CACNB2: variants seen among roughly 807,000 people sequenced by gnomAD.
CACNB2 encodes voltage-dependent L-type calcium channel subunit beta-2.
A neutral mutation model predicts 73.3 loss-of-function variants in CACNB2; 42 were observed. That is an observed-to-expected ratio of 0.57 (90% CI 0.45 to 0.74). CACNB2 has a LOEUF of 0.74. CACNB2 is among the 30% of genes least tolerant of loss of function. The probability of loss-of-function intolerance (pLI) is 0.00; values close to 1 mark genes in which losing one functional copy is unlikely to be tolerated. For missense variants in CACNB2, 940 were observed against 853.0 expected (o/e 1.10, Z -1.27); for synonymous variants, 348 against 310.3 (o/e 1.12, Z -1.28).
At chr10:18,326,864 C>A (rs191878296) in intron 2 of CACNB2, among the ~76,000 whole-genome samples, 1 of 152,174 alleles carries the variant, frequency 6.6e-6, no homozygotes, top group Non-Finnish European at 1.5e-5. Context: ...GTAGCTGGGA[C>A]TACAGGCATG....
chr10:18,333,868 CT>C (rs112646070), intron 2 of CACNB2, among the ~76,000 whole-genome samples: 11 of 151,038 alleles, frequency 7.3e-5, no homozygotes, highest in Non-Finnish European at 1.2e-4. Context: ...AAAATTCTGC[CT>C]TTTTTTTTGT....
At chr10:18,289,547 G>A (rs539226329) in intron 2 of CACNB2, among the ~76,000 whole-genome samples, 1 of 152,006 alleles carries the variant, frequency 6.6e-6, no homozygotes, top group African/African-American at 2.4e-5. Context: ...GCCCGTCTCA[G>A]CCTCTCAAAG....
intron 2 of CACNB2, among the ~76,000 whole-genome samples, chr10:18,300,913 G>T (rs1461764249): frequency 6.6e-6 from 1 of 152,154 alleles, no homozygotes; most frequent in Admixed American, 6.5e-5. Flanking sequence ...GGGAAAAAAA[G>T]TAACAGAATA....
chr10:18,228,155 A>G (rs2250999), intron 2 of CACNB2, among the ~76,000 whole-genome samples: 131,530 of 152,156 alleles, frequency 0.86, 57,323 homozygotes, highest in African/African-American at 0.97. Flanking sequence ...GGACGCGGTG[A>G]CTCACGCCTT....
intron 9 of CACNB2, among the ~76,000 whole-genome samples, chr10:18,524,665 A>G (rs2052278508): frequency 6.6e-6 from 1 of 151,194 alleles, no homozygotes; most frequent in African/African-American, 2.4e-5. Flanking sequence ...AAAAAAAAAA[A>G]AAAAAAAAAA....
chr10:18,250,022 T>C (rs1028928706), intron 2 of CACNB2, among the ~76,000 whole-genome samples: 10 of 152,178 alleles, frequency 6.6e-5, no homozygotes, highest in African/African-American at 2.4e-4. Flanking sequence ...TTCTCTCCAA[T>C]AAGACATCAA....
At chr10:18,366,084 G>C (rs2042334613) in intron 2 of CACNB2, among the ~76,000 whole-genome samples, 1 of 152,096 alleles carries the variant, frequency 6.6e-6, no homozygotes, top group Admixed American at 6.5e-5. Context: ...CCATCTACCT[G>C]GCTCACTGGA....
intron 2 of CACNB2, among the ~76,000 whole-genome samples, chr10:18,291,212 G>C (rs916318815): frequency 6.6e-6 from 1 of 152,112 alleles, no homozygotes; most frequent in African/African-American, 2.4e-5. Context: ...TCCTCTGAGC[G>C]GCACTAGTGC....
At chr10:18,418,309 G>A (rs954515254) in intron 3 of CACNB2, among the ~76,000 whole-genome samples, 4 of 152,094 alleles carry the variant, frequency 2.6e-5, no homozygotes, top group African/African-American at 9.7e-5. Context: ...TCTTGACCTC[G>A]TGATCCACCC....
At chr10:18,386,023 T>C (rs1252045275) in intron 2 of CACNB2, among the ~76,000 whole-genome samples, 1 of 152,182 alleles carries the variant, frequency 6.6e-6, no homozygotes, top group Non-Finnish European at 1.5e-5. Flanking sequence ...AAGGTAGGTT[T>C]TCAGTTTTGA....
intron 3 of CACNB2, among the ~76,000 whole-genome samples, chr10:18,442,109 G>A (rs2046436929): frequency 6.6e-6 from 1 of 152,160 alleles, no homozygotes; most frequent in Non-Finnish European, 1.5e-5. Flanking sequence ...GAGGTGGAAA[G>A]GATCTGTTCC....
intron 9 of CACNB2, among the ~76,000 whole-genome samples, chr10:18,521,640 T>C (rs913149071): frequency 1.3e-5 from 2 of 152,196 alleles, no homozygotes; most frequent in Admixed American, 6.5e-5. Flanking sequence ...TTAAAGTCTA[T>C]TGAAAGGCAG....
chr10:18,198,441 G>T (rs769537662), intron 2 of CACNB2, among the ~76,000 whole-genome samples: 2 of 152,094 alleles, frequency 1.3e-5, no homozygotes, highest in Non-Finnish European at 2.9e-5. Context: ...ACTCTGCAAA[G>T]CTTCCTAGTT....
chr10:18,389,793 G>A (rs965112114), intron 2 of CACNB2, among the ~76,000 whole-genome samples: 3 of 152,180 alleles, frequency 2.0e-5, no homozygotes, highest in African/African-American at 7.2e-5. Flanking sequence ...CTGACATTGT[G>A]AATTGGGACT....
chr10:18,280,437 C>T (rs559188715), intron 2 of CACNB2, among the ~76,000 whole-genome samples: 55 of 152,276 alleles, frequency 3.6e-4, no homozygotes, highest in African/African-American at 1.2e-3. Context: ...GAGCCTGGTC[C>T]TAAAGTCTAC....
chr10:18,184,178 G>C (rs1160703665), intron 2 of CACNB2, among the ~76,000 whole-genome samples: 4 of 152,142 alleles, frequency 2.6e-5, no homozygotes, highest in African/African-American at 9.7e-5. Context: ...TAGATGATCA[G>C]TTTATACTCA....
chr10:18,428,602 C>G (rs779759504), intron 3 of CACNB2, among the ~76,000 whole-genome samples: 3 of 151,318 alleles, frequency 2.0e-5, no homozygotes, highest in South Asian at 4.2e-4. Context: ...ATGAGAATCG[C>G]TTGAATTCAG....
At chr10:18,168,763 G>C (rs1053210340) in intron 2 of CACNB2, among the ~76,000 whole-genome samples, 2 of 152,174 alleles carry the variant, frequency 1.3e-5, no homozygotes, top group Non-Finnish European at 2.9e-5. Context: ...GCATGTAATG[G>C]AAAATTAGCT....
intron 2 of CACNB2, among the ~76,000 whole-genome samples, chr10:18,285,864 C>A (rs902248860): frequency 3.9e-5 from 6 of 152,212 alleles, no homozygotes; most frequent in East Asian, 3.9e-4. Context: ...TAAATCATAA[C>A]CTTACAGATG....
Sources: allele counts gnomAD v4.1 joint callset (sites outside exome capture counted in the v4.1 genomes callset), GRCh38; gene constraint gnomAD v4.1.1; transcripts MANE v1.5; gene names NCBI Gene and HGNC (gene_info 2026-07-23, HGNC 2026-07-21).